Variants in HSD17B2 observed in about 807,000 individuals in gnomAD.
HSD17B2 encodes the protein 17-beta-hydroxysteroid dehydrogenase type 2.
A neutral mutation model predicts 26.9 loss-of-function variants in HSD17B2; 32 were observed. The ratio of observed to expected loss-of-function variants is 1.19; its 90% CI spans 0.90 to 1.60. HSD17B2 has a LOEUF of 1.60. Among genes scored for constraint, HSD17B2 ranks in the 40% most tolerant of loss-of-function variants. HSD17B2 has a pLI of 0.00. For missense variants in HSD17B2, 613 were observed against 468.6 expected (o/e 1.31, Z -2.85); for synonymous variants, 246 against 186.7 (o/e 1.32, Z -2.59).
chr16:82,096,575 T>C (rs1391578660), intron 4 of HSD17B2: 1 of 152,086 alleles, frequency 6.6e-6, no homozygotes. Context: ...TAAAAAATTA[T>C]ACGTGTGTAT....
intron 1 of HSD17B2, among the ~76,000 whole-genome samples, chr16:82,047,541 G>A (rs949442979): frequency 4.6e-5 from 7 of 152,180 alleles, no homozygotes; most frequent in African/African-American, 1.7e-4. Flanking sequence ...GTATATTGCA[G>A]GACAGTATAA....
At chr16:82,060,855 C>A (rs1205151769) in intron 1 of HSD17B2, among the ~76,000 whole-genome samples, 2 of 152,138 alleles carry the variant, frequency 1.3e-5, no homozygotes, top group African/African-American at 4.8e-5. Flanking sequence ...ATCGCTGTGG[C>A]TAGAAAAGCA....
chr16:82,055,446 G>A (rs778109813), intron 1 of HSD17B2, among the ~76,000 whole-genome samples: 2 of 152,132 alleles, frequency 1.3e-5, no homozygotes, highest in African/African-American at 2.4e-5. Flanking sequence ...ATATGTTGCC[G>A]TGTCCCCATG....
chr16:82,096,745 A>C (rs1005673175), intron 4 of HSD17B2: 2 of 152,192 alleles, frequency 1.3e-5, no homozygotes, highest in African/African-American at 4.8e-5. Context: ...CCATCACAGT[A>C]TAGTGGATAA....
chr16:82,092,232 A>T (rs8191230), intron 4 of HSD17B2: 2 of 152,084 alleles, frequency 1.3e-5, no homozygotes, highest in South Asian at 4.2e-4. Context: ...TTCAGAAACA[A>T]TATTTTTCTC....
intron 3 of HSD17B2, among the ~76,000 whole-genome samples, chr16:82,090,552 C>T (rs1258596678): frequency 6.6e-6 from 1 of 152,050 alleles, no homozygotes; most frequent in Non-Finnish European, 1.5e-5. Context: ...CTCCTGACCT[C>T]AGGTGATCTG....
At chr16:82,058,110 C>G (rs1337633274) in intron 1 of HSD17B2, among the ~76,000 whole-genome samples, 3 of 145,304 alleles carry the variant, frequency 2.1e-5, no homozygotes, top group African/African-American at 7.7e-5. Flanking sequence ...TTTGCTCTGT[C>G]GCCTAGGCTG....
At chr16:82,070,904 C>G (rs1313861653) in intron 2 of HSD17B2, 38 bp from the exon 3 acceptor site, 1 of 1,583,020 alleles carries the variant, frequency 6.3e-7, no homozygotes, top group Non-Finnish European at 8.6e-7. Flanking sequence ...TTCACTTCCT[C>G]TTCCAGACAC....
intron 2 of HSD17B2, among the ~76,000 whole-genome samples, chr16:82,068,992 G>A (rs1914636649): frequency 6.6e-6 from 1 of 152,142 alleles, no homozygotes; most frequent in Non-Finnish European, 1.5e-5. Flanking sequence ...TGCCATGGTG[G>A]TTTGCTGCAC....
chr16:82,055,560 A>C (rs563813735), intron 1 of HSD17B2, among the ~76,000 whole-genome samples: 1 of 152,324 alleles, frequency 6.6e-6, no homozygotes, highest in Non-Finnish European at 1.5e-5. Context: ...CATATGTGAG[A>C]TGATTAAGAA....
chr16:82,043,221 C>G (rs978949468), intron 1 of HSD17B2, among the ~76,000 whole-genome samples: 1 of 152,162 alleles, frequency 6.6e-6, no homozygotes, highest in Non-Finnish European at 1.5e-5. Flanking sequence ...CTTCCATGTT[C>G]CCTCCCATTA....
At chr16:82,053,765 G>T (rs1014632011) in intron 1 of HSD17B2, among the ~76,000 whole-genome samples, 1 of 152,190 alleles carries the variant, frequency 6.6e-6, no homozygotes, top group African/African-American at 2.4e-5. Context: ...GCTGTCCATG[G>T]AAAGAAAGCT....
At position 82,078,178 on chromosome 16, in the gene HSD17B2, C is replaced by T. The variant is rs1904312883; in HGVS notation, c.664+7051C>T. ...GAAAATATAAGGAGCTCAAACAACT[C>T]TACAGGAAAAAATCAAATAATCTCA... On this transcript the variant is annotated intron_variant, in intron 3 of 4. Transcript: ENST00000199936. Among the ~76,000 whole-genome samples the T allele has an allele frequency of 2.0e-5, 3 of 152,164 alleles. No homozygotes were observed. The South Asian group carries it at 6.2e-4, about 32-fold the overall frequency.
chr16:82,077,294 G>C (rs1176030980), intron 3 of HSD17B2, among the ~76,000 whole-genome samples: 2 of 152,202 alleles, frequency 1.3e-5, no homozygotes, highest in African/African-American at 4.8e-5. Context: ...AACCAAAACA[G>C]CATGGTACCA....
intron 3 of HSD17B2, 22 bp downstream of exon 3, chr16:82,071,149 T>C (rs770519395): frequency 6.2e-7 from 1 of 1,610,608 alleles, no homozygotes. Flanking sequence ...TTTTCACACA[T>C]GGTCATGGGG....
intron 1 of HSD17B2, among the ~76,000 whole-genome samples, chr16:82,051,066 G>A (rs918469002): frequency 6.6e-6 from 1 of 152,058 alleles, no homozygotes; most frequent in Non-Finnish European, 1.5e-5. Context: ...CTGTTCTCCA[G>A]GCTTTAAGTC....
At chr16:82,057,826 A>G (rs935315172) in intron 1 of HSD17B2, among the ~76,000 whole-genome samples, 17 of 152,334 alleles carry the variant, frequency 1.1e-4, no homozygotes, top group African/African-American at 4.1e-4. Flanking sequence ...CCGTCAAACT[A>G]TCAATTATGT....
At chr16:82,060,310 A>T (rs887216206) in intron 1 of HSD17B2, among the ~76,000 whole-genome samples, 2 of 152,168 alleles carry the variant, frequency 1.3e-5, no homozygotes, top group Admixed American at 6.5e-5. Context: ...GGGATCTCCA[A>T]CTCAAAAGGC....
chr16:82,090,302 GTTTTTTTTTTTTTTTTTTTT>G (rs35272646), intron 3 of HSD17B2: 7 of 40,096 alleles, frequency 1.7e-4, no homozygotes, highest in Non-Finnish European at 2.5e-4. Flanking sequence ...AAACTACATT[GTTTTTTTTTTTTTTTTTTTT>G]TTTTTTTTTT....
Sources: allele counts gnomAD v4.1 joint callset (sites outside exome capture counted in the v4.1 genomes callset), GRCh38; gene constraint gnomAD v4.1.1; transcripts MANE v1.5; gene names NCBI Gene and HGNC (gene_info 2026-07-23, HGNC 2026-07-21).